DSCAML1: variants seen among roughly 807,000 people sequenced by gnomAD.
The protein encoded by DSCAML1 is DS cell adhesion molecule like 1.
DSCAML1 carries 38 observed loss-of-function variants against 200.5 expected under a neutral mutation model. The ratio of observed to expected loss-of-function variants is 0.19; its 90% CI spans 0.15 to 0.25. DSCAML1 has a LOEUF of 0.25. Among genes scored for constraint, DSCAML1 ranks in the 10% least tolerant of loss-of-function variants. The pLI is 1.00. For synonymous variants in DSCAML1, 1,215 were observed against 1,165.0 expected (o/e 1.04, Z -0.87); for missense variants, 2,223 against 2,858.8 (o/e 0.78, Z 5.07).
intron 11 of DSCAML1, among the ~76,000 whole-genome samples, chr11:117,487,989 G>A (rs1232819435): frequency 6.6e-6 from 1 of 152,194 alleles, no homozygotes; most frequent in African/African-American, 2.4e-5. Context: ...CGGGTCTCAG[G>A]AGAGGGAAAG....
intron 3 of DSCAML1, among the ~76,000 whole-genome samples, chr11:117,667,341 G>C (rs2052999830): frequency 6.6e-6 from 1 of 152,162 alleles, no homozygotes; most frequent in Non-Finnish European, 1.5e-5. Flanking sequence ...GAACCCGGGA[G>C]GCAGAGGTTG....
chr11:117,434,667 A>G (rs565408424), intron 27 of DSCAML1, among the ~76,000 whole-genome samples: 25 of 152,018 alleles, frequency 1.6e-4, no homozygotes, highest in Non-Finnish European at 2.9e-4. Context: ...CCAGCCATCT[A>G]TTCAGCCATC....
chr11:117,512,240 G>A (rs145809446), intron 8 of DSCAML1, among the ~76,000 whole-genome samples: 81 of 152,266 alleles, frequency 5.3e-4, no homozygotes, highest in Non-Finnish European at 8.7e-4. Context: ...CTTCCTAGTC[G>A]GGCAGCAGCA....
Position 117,529,506 on chromosome 11 carries a change from G to A in DSCAML1, c.658+2870C>T, listed in dbSNP as rs2050035706. ...TTTTATGCCAGGCTGCACAACTAGT[G>A]AGTGTTGAGGCGGAGATGGAAAGTT... is the stretch of plus-strand genomic sequence containing the variant. On this transcript the variant is annotated intron_variant, in intron 4 of 32. Coordinates refer to ENST00000651296, the MANE Select transcript of DSCAML1 (RefSeq NM_020693.4). Among the ~76,000 whole-genome samples, 3 of 152,198 alleles carry A rather than the reference G, an allele frequency of 2.0e-5. No individual in the cohort carries two copies. In the South Asian group the frequency reaches 6.2e-4, roughly 32 times the overall value.
rs2055231402 is a variant in DSCAML1, at chr11:117,780,406, ACTT to A, written c.364+84_364+86del. On this transcript the variant is annotated intron_variant, in intron 2 of 32. Transcript: ENST00000651296. This position sits in a 1 kb window ranked among gnomAD's most constrained non-coding sequence, Gnocchi z 4.8. ...CAACAAAACTGTTCTTGAGTGAACG[ACTT>A]CTTGCAAGCCCCTCCGAATATCCTC... 8.9e-6 allele frequency: 11 copies of A among 1,233,504 alleles called. No homozygotes were observed. The highest frequency in any genetic ancestry group is 1.2e-5 in the Non-Finnish European group (11 of 936,414). 76.4% of individuals were successfully genotyped at this position (1,233,504 alleles called of 1,614,324 possible). A position where few individuals can be genotyped will look rare whatever the true frequency, so the allele number is the denominator to read the frequency against.
At chr11:117,527,157 G>A (rs1329952018) in intron 4 of DSCAML1, among the ~76,000 whole-genome samples, 1 of 152,190 alleles carries the variant, frequency 6.6e-6, no homozygotes, top group Non-Finnish European at 1.5e-5. Context: ...GCAAGATCTT[G>A]TCTCAAAAAT....
At chr11:117,724,767 T>C (rs984398635) in intron 3 of DSCAML1, among the ~76,000 whole-genome samples, 9 of 152,220 alleles carry the variant, frequency 5.9e-5, no homozygotes, top group African/African-American at 2.2e-4. Flanking sequence ...GCCAGGCCTC[T>C]GAGAATCATT....
chr11:117,435,417 T>C (rs546172624), intron 27 of DSCAML1, among the ~76,000 whole-genome samples: 1 of 152,236 alleles, frequency 6.6e-6, no homozygotes, highest in Non-Finnish European at 1.5e-5. Context: ...CTCTAAATAT[T>C]AGCCCTGACT....
intron 3 of DSCAML1, among the ~76,000 whole-genome samples, chr11:117,685,733 C>A (rs949967524): frequency 6.6e-6 from 1 of 152,212 alleles, no homozygotes; most frequent in African/African-American, 2.4e-5. Context: ...CTTTCCTTAT[C>A]TGCATACTTA....
chr11:117,465,689 G>A (rs560942190), intron 16 of DSCAML1, among the ~76,000 whole-genome samples: 50 of 152,164 alleles, frequency 3.3e-4, no homozygotes, highest in African/African-American at 9.6e-4. Flanking sequence ...TGTTACTGTC[G>A]CACTCTCCGT....
intron 2 of DSCAML1, among the ~76,000 whole-genome samples, chr11:117,778,628 C>T (rs976166031): frequency 6.6e-6 from 1 of 152,262 alleles, no homozygotes; most frequent in African/African-American, 2.4e-5. Flanking sequence ...TGGCTATGTG[C>T]CCTTGGGCAA....
intron 3 of DSCAML1, among the ~76,000 whole-genome samples, chr11:117,724,492 C>T (rs2054090154): frequency 6.6e-6 from 1 of 152,188 alleles, no homozygotes; most frequent in African/African-American, 2.4e-5. Flanking sequence ...TGTACAGAAG[C>T]TCCCAGATCC....
chr11:117,706,468 T>A (rs2053760583), intron 3 of DSCAML1, among the ~76,000 whole-genome samples: 1 of 152,178 alleles, frequency 6.6e-6, no homozygotes, highest in African/African-American at 2.4e-5. Context: ...TAGATAATCC[T>A]GCAGGATTAA....
chr11:117,517,176 G>A (rs535603792), intron 7 of DSCAML1, among the ~76,000 whole-genome samples: 6 of 152,266 alleles, frequency 3.9e-5, no homozygotes, highest in African/African-American at 4.8e-5. Context: ...TTTTGATCTC[G>A]TACCCAAAAG....
chr11:117,480,433 C>A lies in DSCAML1; in HGVS notation c.2785+10G>T. 1 of 1,613,214 alleles carries A rather than the reference C, an allele frequency of 6.2e-7. No homozygotes were observed. Among genetic ancestry groups the A allele is most frequent in the Non-Finnish European group, 8.5e-7 (1 of 1,179,654 alleles). On this transcript the variant is annotated intron_variant, in intron 14 of 32. Transcript: ENST00000651296. This position sits in a 1 kb window ranked among gnomAD's most constrained non-coding sequence, Gnocchi z 4.1. ...AGGCCACGCTGTCACCCTCCTGGCC[C>A]AGCGCCTACCTGATTTGTTCTTGTA...
At chr11:117,704,436 C>T (rs766771122) in intron 3 of DSCAML1, among the ~76,000 whole-genome samples, 10 of 152,104 alleles carry the variant, frequency 6.6e-5, no homozygotes, top group South Asian at 2.1e-4. Context: ...TGTGCACGCG[C>T]GCACACACAC....
chr11:117,797,188 C>G lies in DSCAML1; in HGVS notation c.-109G>C. ...AGCCGCCCGCACTCGGCGCCCCGCT[C>G]TCTCTGCTCCTCAGCCCAGCGCTCG... On this transcript the variant is annotated 5_prime_UTR_variant, in exon 1 of 33. Transcript: ENST00000651296. 1.9e-6 allele frequency: 3 copies of G among 1,553,614 alleles called. No homozygotes were observed. The highest frequency in any genetic ancestry group is 2.6e-6 in the Non-Finnish European group (3 of 1,151,736).
intron 3 of DSCAML1, among the ~76,000 whole-genome samples, chr11:117,722,388 G>A (rs1266187548): frequency 6.6e-6 from 1 of 152,114 alleles, no homozygotes; most frequent in Non-Finnish European, 1.5e-5. Context: ...TAAGGGGGAG[G>A]GGAGCCAGGG....
chr11:117,629,902 AG>A (rs1399490826), intron 3 of DSCAML1, among the ~76,000 whole-genome samples: 1 of 152,190 alleles, frequency 6.6e-6, no homozygotes, highest in African/African-American at 2.4e-5. Context: ...CAGGAGACTG[AG>A]GCAGGAGTTC....
Sources: gnomAD v4.1 joint callset for allele counts (sites outside exome capture counted in the v4.1 genomes callset) on GRCh38, gnomAD v4.1.1 for gene constraint, Gnocchi (gnomAD v3.1) non-coding constraint, MANE v1.5 for transcripts, NCBI Gene and HGNC (gene_info 2026-07-23, HGNC 2026-07-21) for gene names.